Variants in SAMD4A observed in about 807,000 individuals in gnomAD.
The protein encoded by SAMD4A is sterile alpha motif domain containing 4A.
SAMD4A carries 33 observed loss-of-function variants against 81.3 expected under a neutral mutation model. That is an observed-to-expected ratio of 0.41 (90% confidence interval 0.31 to 0.54). The LOEUF is 0.54. SAMD4A is among the 20% of genes least tolerant of loss of function. The pLI is 0.37. For synonymous variants in SAMD4A, 389 were observed against 382.1 expected, an observed-to-expected ratio of 1.02 and a Z score of -0.21; for missense variants, 854 against 951.1, an observed-to-expected ratio of 0.90 and a Z score of 1.34.
intron 2 of SAMD4A, among the ~76,000 whole-genome samples, chr14:54,619,034 A>G (rs2034554898): frequency 6.6e-6 from 1 of 152,126 alleles, no homozygotes; most frequent in Admixed American, 6.5e-5. Flanking sequence ...GTCCCTTTAA[A>G]AATGTTTTGA....
At chr14:54,682,805 G>A (rs528417535) in intron 2 of SAMD4A, among the ~76,000 whole-genome samples, 1 of 152,204 alleles carries the variant, frequency 6.6e-6, no homozygotes, top group African/African-American at 2.4e-5. Context: ...GGCCAGCCCT[G>A]TTTTTCAGAC....
chr14:54,762,380 C>G (rs2038422947), intron 7 of SAMD4A, among the ~76,000 whole-genome samples: 1 of 152,074 alleles, frequency 6.6e-6, no homozygotes, highest in African/African-American at 2.4e-5. Flanking sequence ...TAAGAACAAC[C>G]CCCACCCTTC....
intron 2 of SAMD4A, among the ~76,000 whole-genome samples, chr14:54,629,289 C>T (rs1342426683): frequency 6.6e-6 from 1 of 152,174 alleles, no homozygotes; most frequent in African/African-American, 2.4e-5. Flanking sequence ...GAGCATGGCC[C>T]TGCTGACACA....
chr14:54,624,146 T>C (rs536516645), intron 2 of SAMD4A, among the ~76,000 whole-genome samples: 2 of 152,292 alleles, frequency 1.3e-5, no homozygotes, highest in Admixed American at 1.3e-4. Flanking sequence ...GTCTAATTTT[T>C]GTATTTTTAG....
intron 2 of SAMD4A, among the ~76,000 whole-genome samples, chr14:54,672,842 A>T (rs995192237): frequency 1.3e-5 from 2 of 152,214 alleles, no homozygotes; most frequent in African/African-American, 4.8e-5. Context: ...CTGTAAAGTA[A>T]TTTGTTGCTC....
intron 2 of SAMD4A, among the ~76,000 whole-genome samples, chr14:54,696,560 G>A (rs972777885): frequency 6.6e-6 from 1 of 152,190 alleles, no homozygotes; most frequent in African/African-American, 2.4e-5. Context: ...CTGAAAACAA[G>A]GGTATAATAA....
chr14:54,756,901 A>C (rs2038254267), intron 6 of SAMD4A, among the ~76,000 whole-genome samples: 1 of 152,246 alleles, frequency 6.6e-6, no homozygotes, highest in East Asian at 1.9e-4. Flanking sequence ...GTGGTGGACC[A>C]GACTTCCCAC....
chr14:54,701,506 G>A lies in SAMD4A; in HGVS notation c.197-556G>A, dbSNP rs545362790. ...CTCTGAGTTAGCTTCTCATGAGAAA[G>A]GTGCAGTCTTACTGCACAGAGATGA... On this transcript the variant is annotated intron_variant, in intron 2 of 12. Transcript: ENST00000554335. 5.5e-3 allele frequency among the ~76,000 whole-genome samples: 837 copies of A among 152,310 alleles called. 3 individuals are homozygous for A. Among genetic ancestry groups the A allele is most frequent in the Middle Eastern group, 0.01 (3 of 294 alleles).
At chr14:54,788,083 A>C (rs1369764340) in intron 12 of SAMD4A, among the ~76,000 whole-genome samples, 1 of 151,514 alleles carries the variant, frequency 6.6e-6, no homozygotes, top group African/African-American at 2.4e-5. Flanking sequence ...CGGCCTCAGC[A>C]CTCTCCCACC....
At chr14:54,717,539 T>TTA (rs1566601358) in intron 3 of SAMD4A, among the ~76,000 whole-genome samples, 1 of 152,168 alleles carries the variant, frequency 6.6e-6, no homozygotes, top group East Asian at 1.9e-4. Context: ...CAACACAATG[T>TTA]TACATCCAAG....
At chr14:54,777,486 G>C (rs1333784450) in intron 11 of SAMD4A, among the ~76,000 whole-genome samples, 3 of 152,202 alleles carry the variant, frequency 2.0e-5, no homozygotes, top group African/African-American at 7.2e-5. Flanking sequence ...CGGAAGCCGT[G>C]GCTGGGCCAA....
chr14:54,790,405 A>G lies in SAMD4A; in HGVS notation c.*1461A>G, dbSNP rs2039238960. 2 of 152,260 alleles carry G rather than the reference A, an allele frequency of 1.3e-5. No homozygotes were observed. The highest frequency in any genetic ancestry group is 2.4e-5 in the African/African-American group (1 of 41,464). The allele number at this position is 152,260 out of a possible 1,614,324, so 9.4% of individuals were successfully genotyped here. A position where few individuals can be genotyped will look rare whatever the true frequency, so the allele number is the denominator to read the frequency against. On this transcript the variant is annotated 3_prime_UTR_variant, in exon 13 of 13. Coordinates refer to ENST00000554335, the MANE Select transcript of SAMD4A (RefSeq NM_015589.6). Reference sequence around the variant, plus strand: ...ATTTGCTGTGTTAGTTGATTTATCCATCCACACAGAGGGGAGGAAAAAGAC... The same window carrying G: ...ATTTGCTGTGTTAGTTGATTTATCCGTCCACACAGAGGGGAGGAAAAAGAC...
chr14:54,763,264 C>T lies in SAMD4A; in HGVS notation c.1511-1191C>T, dbSNP rs118123644. On this transcript the variant is annotated intron_variant, in intron 7 of 12. Transcript: ENST00000554335. The stretch of plus-strand genomic sequence containing the variant: ...ACACGGTGGCTCATGCCTGTAATCC[C>T]GGCACTTTGGGAGGCCAAAGTGAAT... Among the ~76,000 whole-genome samples, 446 of 151,838 alleles carry T rather than the reference C, an allele frequency of 2.9e-3. 10 individuals are homozygous for T. The East Asian group carries it at 0.067, about 23-fold the overall frequency.
chr14:54,607,555 A>C (rs1406733099), intron 2 of SAMD4A, among the ~76,000 whole-genome samples: 1 of 150,520 alleles, frequency 6.6e-6, no homozygotes, highest in Non-Finnish European at 1.5e-5. Context: ...TCCTGGGTTC[A>C]TGCCATTCTC....
At chr14:54,601,370 G>C in intron 2 of SAMD4A, among the ~76,000 whole-genome samples, 1 of 152,114 alleles carries the variant, frequency 6.6e-6, no homozygotes, top group Non-Finnish European at 1.5e-5. Context: ...ATGGAAGTAG[G>C]TAGAGTCCAG....
intron 2 of SAMD4A, among the ~76,000 whole-genome samples, chr14:54,574,506 A>C (rs1429971306): frequency 6.6e-6 from 1 of 152,196 alleles, no homozygotes; most frequent in East Asian, 1.9e-4. Context: ...TTGAAGGATG[A>C]ATGTGAATAG....
At chr14:54,672,020 GTT>G (rs56900347) in intron 2 of SAMD4A, among the ~76,000 whole-genome samples, 43,938 of 124,806 alleles carry the variant, frequency 0.35, 7,761 homozygotes, top group Non-Finnish European at 0.42. Context: ...TGTTTATAGT[GTT>G]TTTTTTTTTT....
rs1353396548 is a variant in SAMD4A at position 54,774,988 on chromosome 14, C to G, written c.1770C>G (p.Gly590=). ...SLPTAGSVGG[G]MGRRNPRQYQ... is the part of the protein sequence containing the mutation. ...CGACGGCTGGCTCTGTGGGCGGTGG[C>G]ATGGGCAGACGGAACCCGCGCCAGT... is the stretch of plus-strand genomic sequence containing the variant. Residue 590 remains glycine (G), a synonymous_variant, in exon 10 of 13, where the codon GGC becomes GGG. Transcript: ENST00000554335. The G allele has an allele frequency of 6.2e-7, 1 of 1,614,060 alleles. No homozygotes were observed. Among genetic ancestry groups the G allele is most frequent in the Non-Finnish European group, 8.5e-7 (1 of 1,180,038 alleles).
At chr14:54,749,915 C>T (rs1216124005) in intron 5 of SAMD4A, among the ~76,000 whole-genome samples, 2 of 152,180 alleles carry the variant, frequency 1.3e-5, no homozygotes, top group Non-Finnish European at 1.5e-5. Flanking sequence ...AGTACTTATT[C>T]GGTACCCTCA....
Sources: allele counts gnomAD v4.1 joint callset (sites outside exome capture counted in the v4.1 genomes callset), GRCh38; gene constraint gnomAD v4.1.1; transcripts MANE v1.5; gene names NCBI Gene and HGNC (gene_info 2026-07-23, HGNC 2026-07-21).